LAMB1: variants seen among roughly 807,000 people sequenced by gnomAD.
LAMB1 encodes laminin subunit beta-1.
In LAMB1, 121 loss-of-function variants were observed where a neutral mutation model predicts 222.3. That is an observed-to-expected ratio of 0.54 (90% CI 0.47 to 0.63). LAMB1 has a LOEUF of 0.63. LAMB1 is among the 30% of genes least tolerant of loss of function. The pLI is 0.00. For missense variants in LAMB1, 2,172 were observed against 2,240.8 expected (o/e 0.97, Z 0.62); for synonymous variants, 794 against 807.2 (o/e 0.98, Z 0.28).
chr7:107,938,727 G>C (rs1366998449), intron 25 of LAMB1, among the ~76,000 whole-genome samples: 1 of 152,120 alleles, frequency 6.6e-6, no homozygotes, highest in South Asian at 2.1e-4. Flanking sequence ...CCAAAACTGT[G>C]ATCTCTGCAC....
intron 9 of LAMB1, 103 bp from the exon 10 acceptor site, chr7:107,975,980 G>T: frequency 1.0e-6 from 1 of 967,642 alleles, no homozygotes; most frequent in Non-Finnish European, 1.5e-6. Context: ...ACTAAGTTCA[G>T]ACAAAATGGC....
chr7:107,924,447 T>G, intron 32 of LAMB1, 58 bp from the exon 33 acceptor site: 1 of 1,344,992 alleles, frequency 7.4e-7, no homozygotes, highest in Non-Finnish European at 1.0e-6. Flanking sequence ...TAATTACATT[T>G]AAGAGCAATA....
At chr7:107,985,652 C>CA (rs1235579498) in intron 7 of LAMB1, among the ~76,000 whole-genome samples, 3 of 148,624 alleles carry the variant, frequency 2.0e-5, no homozygotes, top group South Asian at 2.1e-4. Context: ...CAAAACAAAA[C>CA]AAACAAACAA....
rs770666155 is a variant in LAMB1, at chr7:107,961,647, G to T, written c.1887C>A (p.Ile629=). 6.2e-7 allele frequency: 1 copy of T among 1,613,892 alleles called. No individual in the cohort carries two copies. Among genetic ancestry groups the T allele is most frequent in the East Asian group, 2.2e-5 (1 of 44,868 alleles). ...QLPDHWEKAV[I]TVQRPGRIPT... Reference sequence around the variant, plus strand: ...GAATCCTTCCAGGTCGCTGCACTGTGATGACAGCTTTTTCCCAGTGGTCGG... The same window carrying T: ...GAATCCTTCCAGGTCGCTGCACTGTTATGACAGCTTTTTCCCAGTGGTCGG... Residue 629 remains isoleucine (I), a synonymous_variant, in exon 16 of 34, where the codon ATC becomes ATA. Transcript: ENST00000222399.
intron 26 of LAMB1, among the ~76,000 whole-genome samples, chr7:107,936,891 G>C (rs1443416602): frequency 6.6e-6 from 1 of 151,990 alleles, no homozygotes; most frequent in Non-Finnish European, 1.5e-5. Context: ...TGGGACCTTT[G>C]CTATGTCTCT....
chr7:107,963,185 T>TTA (rs1322362445), intron 14 of LAMB1, 122 bp from the exon 15 acceptor site: 2 of 871,730 alleles, frequency 2.3e-6, no homozygotes, highest in Admixed American at 5.5e-5. Flanking sequence ...TGTCTATTTT[T>TTA]TATAGTCAAA....
chr7:107,980,961 T>G, intron 7 of LAMB1, 150 bp from the exon 8 acceptor site: 1 of 593,056 alleles, frequency 1.7e-6, no homozygotes, highest in East Asian at 2.8e-5. Flanking sequence ...ACTCCAATAG[T>G]GAAGCCTAAC....
In LAMB1 at chr7:107,978,090, T is replaced by C; in HGVS notation, c.957A>G (p.Leu319=). 1 of 1,614,168 alleles carries C rather than the reference T, an allele frequency of 6.2e-7. No homozygotes were observed. Residue 319 remains leucine, a synonymous_variant, in exon 9 of 34, where the codon TTA becomes TTG. Transcript: ENST00000222399. ...CELCMDFYHD[L]PWRPAEGRNS... ...TTCGGCCTTCAGCAGGTCTCCAAGG[T>C]AAATCATGGTAGAAATCCATGCAGA...
At chr7:107,948,691 G>A (rs1319187485) in intron 24 of LAMB1, among the ~76,000 whole-genome samples, 1 of 152,110 alleles carries the variant, frequency 6.6e-6, no homozygotes, top group African/African-American at 2.4e-5. Context: ...AGATGAGAAG[G>A]GACTTTGTTT....
chr7:107,971,756 C>T (rs1051818295), intron 13 of LAMB1, among the ~76,000 whole-genome samples: 2 of 151,918 alleles, frequency 1.3e-5, no homozygotes, highest in African/African-American at 2.4e-5. Context: ...AGGGCCTGTG[C>T]GTGGGTGGAG....
At chr7:107,934,725 T>C (rs1481136736) in intron 27 of LAMB1, among the ~76,000 whole-genome samples, 4 of 152,106 alleles carry the variant, frequency 2.6e-5, no homozygotes, top group African/African-American at 9.7e-5. Context: ...GACTCTGAAT[T>C]CCTACACTGA....
Position 107,924,254 on chromosome 7 carries a change from T to G in LAMB1, c.5200A>C (p.Asn1734His), listed in dbSNP as rs554964464. 2 of 1,611,484 alleles carry G rather than the reference T, an allele frequency of 1.2e-6. No individual in the cohort carries two copies. The highest frequency in any genetic ancestry group is 1.7e-6 in the Non-Finnish European group (2 of 1,179,300). Reference sequence around the variant, plus strand: ...CCTTTGAGCAGTTGCAGCTTGCTATTTGCTTGAGCTAAAAGAGTTTTTGCT... The same window carrying G: ...CCTTTGAGCAGTTGCAGCTTGCTATGTGCTTGAGCTAAAAGAGTTTTTGCT... ...NEAKTLLAQA[N>H]SKLQLLKDLE... The change falls in exon 33 of 34, where the codon AAT becomes CAT. Residue 1734 changes from asparagine (N) to histidine (H), a missense_variant. Transcript: ENST00000222399.
At chr7:107,938,916 T>C (rs1047692712) in intron 25 of LAMB1, among the ~76,000 whole-genome samples, 1 of 152,214 alleles carries the variant, frequency 6.6e-6, no homozygotes, top group Non-Finnish European at 1.5e-5. Context: ...TTCAAGTCGC[T>C]TGAGCTAATG....
chr7:107,961,769 A>T (rs2033510175), intron 15 of LAMB1, 93 bp from the exon 16 acceptor site: 1 of 1,384,544 alleles, frequency 7.2e-7, no homozygotes, highest in South Asian at 1.3e-5. Flanking sequence ...CCAAGTTGAA[A>T]TGGAAAACAA....
rs776835637 is a variant in LAMB1, at chr7:107,929,183, C to G, written c.4768G>C (p.Val1590Leu). Residue 1590 changes from valine to leucine, a missense_variant, in exon 31 of 34, where the codon GTC becomes CTC. Coordinates refer to ENST00000222399, the MANE Select transcript of LAMB1 (RefSeq NM_002291.3). ...RASKSATDVK[V>L]TADMVKEALE... ...GCTTCCTTTACCATATCTGCAGTGACTTTAACATCTGTTGCACTTTTGCTG... is the reference window on the plus strand; with the variant it reads ...GCTTCCTTTACCATATCTGCAGTGAGTTTAACATCTGTTGCACTTTTGCTG... 4 of 1,613,882 alleles carry G rather than the reference C, an allele frequency of 2.5e-6. No individual in the cohort carries two copies. The East Asian group carries it at 6.7e-5, about 27-fold the overall frequency.
At chr7:107,992,889 A>G (rs1383674765) in intron 5 of LAMB1, among the ~76,000 whole-genome samples, 1 of 152,150 alleles carries the variant, frequency 6.6e-6, no homozygotes, top group Non-Finnish European at 1.5e-5. Context: ...AGCAAGACTC[A>G]GTATTTAAAA....
In LAMB1 at chr7:107,960,629, A is replaced by G; in HGVS notation, c.2130T>C (p.Cys710=). The change falls in exon 18 of 34, where the codon TGT becomes TGC. Residue 710 remains cysteine, a synonymous_variant. Coordinates refer to ENST00000222399, the MANE Select transcript of LAMB1 (RefSeq NM_002291.3). ...CCACGGTGAAGATGTCCAGTGATTT[A>G]CAGTATGGCATGAGAACAAGCTGTG... ...LIDSLVLMPY[C]KSLDIFTVGG... The G allele has an allele frequency of 6.2e-7, 1 of 1,614,248 alleles. No homozygotes were observed.
chr7:107,924,610 T>C (rs1222240701), intron 32 of LAMB1, among the ~76,000 whole-genome samples: 3 of 152,228 alleles, frequency 2.0e-5, no homozygotes, highest in Admixed American at 6.5e-5. Flanking sequence ...AGCAAATCCT[T>C]AGGGCTAAGT....
intron 5 of LAMB1, among the ~76,000 whole-genome samples, chr7:107,987,413 T>TA (rs1584534846): frequency 6.6e-6 from 1 of 152,074 alleles, no homozygotes; most frequent in East Asian, 1.9e-4. Context: ...TTTATACACT[T>TA]AAAAATGGTT....
Sources: gnomAD v4.1 joint callset for allele counts (sites outside exome capture counted in the v4.1 genomes callset) on GRCh38, gnomAD v4.1.1 for gene constraint, MANE v1.5 for transcripts, NCBI Gene and HGNC (gene_info 2026-07-23, HGNC 2026-07-21) for gene names.